RAD51B: variants seen among roughly 807,000 people sequenced by gnomAD.
RAD51B encodes RAD51 paralog B, also known as DNA repair protein RAD51 homolog 2.
In RAD51B, 38 loss-of-function variants were observed where a neutral mutation model predicts 42.2. That is an observed-to-expected ratio of 0.90 (90% CI 0.70 to 1.18). The LOEUF is 1.18. RAD51B is among the 50% of genes most tolerant of loss of function. The probability of loss-of-function intolerance (pLI) is 0.00; values close to 1 mark genes in which losing one functional copy is unlikely to be tolerated. For missense variants in RAD51B, 373 were observed against 400.7 expected, an observed-to-expected ratio of 0.93 and a Z score of 0.59; for synonymous variants, 154 against 145.2, an observed-to-expected ratio of 1.06 and a Z score of -0.43.
intron 10 of RAD51B, among the ~76,000 whole-genome samples, chr14:68,592,485 G>A: frequency 6.6e-6 from 1 of 152,112 alleles, no homozygotes; most frequent in Non-Finnish European, 1.5e-5. Flanking sequence ...TCTCTGTGAG[G>A]TACAAGTATC....
chr14:68,564,801 C>T (rs939390978), intron 10 of RAD51B, among the ~76,000 whole-genome samples: 1 of 152,208 alleles, frequency 6.6e-6, no homozygotes, highest in Admixed American at 6.5e-5. Flanking sequence ...TGGCATCTCC[C>T]ACTGAAAGAG....
intron 10 of RAD51B, among the ~76,000 whole-genome samples, chr14:68,475,481 A>G (rs1465038617): frequency 6.6e-6 from 1 of 152,226 alleles, no homozygotes; most frequent in Non-Finnish European, 1.5e-5. Context: ...ACCAAGGATC[A>G]GCACCCAAAA....
intron 8 of RAD51B, among the ~76,000 whole-genome samples, chr14:68,385,115 C>T (rs2083565009): frequency 6.6e-6 from 1 of 151,918 alleles, no homozygotes; most frequent in East Asian, 1.9e-4. Flanking sequence ...TGTTAATCCC[C>T]ACTTCCCTGG....
chr14:68,538,346 G>GGACAGGA, intron 10 of RAD51B, among the ~76,000 whole-genome samples: 1 of 152,294 alleles, frequency 6.6e-6, no homozygotes, highest in Non-Finnish European at 1.5e-5. Flanking sequence ...GAGGGCCGGG[G>GGACAGGA]GCCAGGAGCC....
chr14:68,412,326 A>G (rs1210038873), intron 9 of RAD51B, among the ~76,000 whole-genome samples: 2 of 152,204 alleles, frequency 1.3e-5, no homozygotes, highest in Non-Finnish European at 2.9e-5. Context: ...ACGGGTGATT[A>G]TTTTGATTTT....
chr14:68,041,888 CTT>C (rs1406438796), intron 7 of RAD51B, among the ~76,000 whole-genome samples: 1 of 152,160 alleles, frequency 6.6e-6, no homozygotes, highest in Non-Finnish European at 1.5e-5. Flanking sequence ...CTGCTTCTCA[CTT>C]TTGCTGTTGT....
At chr14:68,542,230 T>C (rs1020613068) in intron 10 of RAD51B, among the ~76,000 whole-genome samples, 1 of 152,178 alleles carries the variant, frequency 6.6e-6, no homozygotes, top group African/African-American at 2.4e-5. Context: ...TCTAGTAGTT[T>C]TCATGGAAAT....
intron 5 of RAD51B, among the ~76,000 whole-genome samples, chr14:67,881,629 A>G (rs960743310): frequency 6.6e-6 from 1 of 152,146 alleles, no homozygotes; most frequent in Non-Finnish European, 1.5e-5. Context: ...TGCAGCCTGG[A>G]AACTGCCTCT....
At chr14:68,637,251 T>A (rs996893453) in intron 10 of RAD51B, among the ~76,000 whole-genome samples, 5 of 152,166 alleles carry the variant, frequency 3.3e-5, no homozygotes, top group African/African-American at 9.7e-5. Context: ...GCTAATTTTT[T>A]AATTTTGTGT....
intron 8 of RAD51B, among the ~76,000 whole-genome samples, chr14:68,389,167 T>A (rs1197900027): frequency 6.6e-6 from 1 of 152,200 alleles, no homozygotes; most frequent in Non-Finnish European, 1.5e-5. Context: ...TACATCGTAG[T>A]GTATAGCTCC....
chr14:68,308,393 G>A (rs977213869), intron 8 of RAD51B, among the ~76,000 whole-genome samples: 2 of 152,062 alleles, frequency 1.3e-5, no homozygotes, highest in Non-Finnish European at 2.9e-5. Context: ...ACACAACATG[G>A]ATCCTATTTC....
At chr14:68,216,596 A>G (rs1885710460) in intron 7 of RAD51B, among the ~76,000 whole-genome samples, 2 of 152,242 alleles carry the variant, frequency 1.3e-5, no homozygotes, top group South Asian at 4.1e-4. Context: ...TAAGGCTGTC[A>G]AAGTCTTCTT....
intron 10 of RAD51B, among the ~76,000 whole-genome samples, chr14:68,647,517 T>C (rs561220132): frequency 8.8e-4 from 134 of 152,324 alleles, no homozygotes; most frequent in African/African-American, 3.1e-3. Context: ...TTAGAGCCTG[T>C]TAAGGTTATT....
At chr14:67,906,563 A>G (rs977901811) in intron 7 of RAD51B, among the ~76,000 whole-genome samples, 3 of 152,116 alleles carry the variant, frequency 2.0e-5, no homozygotes, top group Middle Eastern at 3.4e-3. Flanking sequence ...TACTGATTCA[A>G]TTTCACAATT....
At chr14:68,672,089 A>G (rs1370130853) in intron 11 of RAD51B, among the ~76,000 whole-genome samples, 1 of 152,234 alleles carries the variant, frequency 6.6e-6, no homozygotes, top group East Asian at 1.9e-4. Context: ...TGGTATTTAT[A>G]GACTCAGTGA....
intron 7 of RAD51B, among the ~76,000 whole-genome samples, chr14:67,907,348 A>C (rs999159801): frequency 2.0e-5 from 3 of 152,012 alleles, no homozygotes; most frequent in Admixed American, 1.3e-4. Context: ...AGATTTTTCT[A>C]TGCTTTAGTT....
intron 7 of RAD51B, among the ~76,000 whole-genome samples, chr14:68,017,739 A>G (rs995352985): frequency 4.6e-5 from 7 of 151,948 alleles, no homozygotes; most frequent in African/African-American, 9.7e-5. Context: ...TTGGGAGGCC[A>G]AGGCAGGCAG....
At chr14:68,268,435 G>A (rs11849946) in intron 7 of RAD51B, among the ~76,000 whole-genome samples, 11,033 of 152,264 alleles carry the variant, frequency 0.072, 1,321 homozygotes, top group African/African-American at 0.25. Flanking sequence ...AAGAGATTGA[G>A]TTTGCTGAAG....
At chr14:67,968,217 A>AT (rs893322913) in intron 7 of RAD51B, among the ~76,000 whole-genome samples, 3 of 151,964 alleles carry the variant, frequency 2.0e-5, no homozygotes, top group Non-Finnish European at 2.9e-5. Context: ...CCATGAAACC[A>AT]TTTTTTCCTC....
Sources: gnomAD v4.1 joint callset for allele counts (sites outside exome capture counted in the v4.1 genomes callset) on GRCh38, gnomAD v4.1.1 for gene constraint, MANE v1.5 for transcripts, NCBI Gene and HGNC (gene_info 2026-07-23, HGNC 2026-07-21) for gene names.